Variants in TBC1D2B observed in about 807,000 individuals in gnomAD.
TBC1D2B encodes the protein TBC1 domain family, member 2B.
TBC1D2B carries 64 observed loss-of-function variants against 100.8 expected under a neutral mutation model. That is an observed-to-expected ratio of 0.64 (90% CI 0.52 to 0.78). The LOEUF (loss-of-function observed/expected upper bound fraction) is 0.78, where lower values mean the gene tolerates loss of function less well. Ranked by LOEUF, TBC1D2B falls within the 30% of genes least tolerant of loss-of-function variation. TBC1D2B has a pLI of 0.00. For synonymous variants in TBC1D2B, 480 were observed against 479.7 expected (o/e 1.00, Z -0.01); for missense variants, 1,052 against 1,218.4 (o/e 0.86, Z 2.03).
Position 78,024,258 on chromosome 15 carries a change from C to G in TBC1D2B, c.1368G>C (p.Lys456Asn). 6.2e-7 allele frequency: 1 copy of G among 1,614,026 alleles called. No homozygotes were observed. The highest frequency in any genetic ancestry group is 1.1e-5 in the South Asian group (1 of 91,092). Residue 456 changes from lysine to asparagine, a missense_variant, in exon 6 of 13, where the codon AAG becomes AAC. By Grantham distance (94) the Lys-to-Asn change is moderately conservative. Coordinates refer to ENST00000300584, the MANE Select transcript of TBC1D2B (RefSeq NM_144572.2). ...TIQAKDEVII[K>N]LSEGEGNGPP... is the part of the protein sequence containing the mutation. Reference sequence around the variant, plus strand: ...GCCCGTTGCCCTCGCCCTCGCTGAGCTTGATGATGACCTCGTCCTTGGCTT... The same window carrying G: ...GCCCGTTGCCCTCGCCCTCGCTGAGGTTGATGATGACCTCGTCCTTGGCTT...
intron 9 of TBC1D2B, among the ~76,000 whole-genome samples, chr15:78,011,528 T>C (rs564828359): frequency 6.7e-6 from 1 of 149,444 alleles, no homozygotes; most frequent in South Asian, 2.1e-4. Context: ...TGGAGTGTAG[T>C]GGTGTGATCA....
intron 8 of TBC1D2B, among the ~76,000 whole-genome samples, chr15:78,013,645 C>T (rs969006787): frequency 2.6e-5 from 4 of 152,020 alleles, no homozygotes; most frequent in Non-Finnish European, 5.9e-5. Context: ...AATTTGGCTA[C>T]ATTAATATAT....
chr15:78,074,021 T>C (rs1205254866), intron 1 of TBC1D2B, among the ~76,000 whole-genome samples: 2 of 150,666 alleles, frequency 1.3e-5, no homozygotes, highest in Non-Finnish European at 3.0e-5. Context: ...TGCTTGTTTG[T>C]TTGTTTGTTT....
chr15:78,007,096 C>T (rs1202092070), intron 10 of TBC1D2B, among the ~76,000 whole-genome samples: 2 of 152,200 alleles, frequency 1.3e-5, no homozygotes, highest in African/African-American at 2.4e-5. Flanking sequence ...AGGAGCTTCC[C>T]AGGGAGATGA....
chr15:78,051,547 A>G (rs967235875), intron 2 of TBC1D2B, among the ~76,000 whole-genome samples: 1 of 152,208 alleles, frequency 6.6e-6, no homozygotes, highest in Non-Finnish European at 1.5e-5. Flanking sequence ...TTAATCCCCT[A>G]TATCTTTCTC....
In TBC1D2B at chr15:78,019,888, C is replaced by CA. The variant is rs75813219; in HGVS notation, c.1471-1932dup. Among the ~76,000 whole-genome samples, 1,059 of 117,562 alleles carry CA rather than the reference C, an allele frequency of 9.0e-3. 5 individuals are homozygous for CA. The highest frequency in any genetic ancestry group is 0.01 in the African/African-American group (325 of 31,966). The allele number at this position is 117,562 out of a possible 152,430, so 77.1% of individuals were successfully genotyped here. ...TGGGTGAAATAGTGAGACTCTGTAT[C>CA]AAAAAAAAAAAAAGGGGGGGGGAGA... is the stretch of plus-strand genomic sequence containing the variant. On this transcript the variant is annotated intron_variant, in intron 6 of 12. Coordinates refer to ENST00000300584, the MANE Select transcript of TBC1D2B (RefSeq NM_144572.2).
At chr15:78,034,677 G>T in intron 3 of TBC1D2B, 1 of 985,434 alleles carries the variant, frequency 1.0e-6, no homozygotes, top group Non-Finnish European at 1.2e-6. Context: ...GTCGTACGCT[G>T]CCGTGCTCTC....
chr15:78,014,927 T>C (rs370911766), intron 8 of TBC1D2B, among the ~76,000 whole-genome samples: 1 of 152,122 alleles, frequency 6.6e-6, no homozygotes. Flanking sequence ...AAAGGCTGGG[T>C]GCGGTGGCTG....
chr15:78,077,534 T>G lies in TBC1D2B; in HGVS notation c.119A>C (p.Tyr40Ser), dbSNP rs2073850726. The change falls in exon 1 of 13, where the codon TAT becomes TCT. Residue 40 changes from tyrosine (Y) to serine (S), a missense_variant. Tyr to Ser is a moderately radical substitution (Grantham distance 144). Around this residue, in one of 4 missense-constraint regions of TBC1D2B, gnomAD observed 627 missense variants for 646.1 expected, o/e 0.97. Transcript: ENST00000300584. ...PAREPARLCG[Y>S]LQKLSGKGPL... ...GCCCTTGCCCGACAGCTTCTGCAGA[T>G]AGCCACACAGCCGCGCTGGCTCCCG... is the stretch of plus-strand genomic sequence containing the variant. 1.3e-6 allele frequency: 2 copies of G among 1,510,296 alleles called. No individual in the cohort carries two copies. Among genetic ancestry groups the G allele is most frequent in the Admixed American group, 2.1e-5 (1 of 46,990 alleles). The allele number at this position is 1,510,296 out of a possible 1,614,324, so 93.6% of individuals were successfully genotyped here.
chr15:78,063,172 G>A (rs775341764), intron 1 of TBC1D2B, among the ~76,000 whole-genome samples: 5 of 151,436 alleles, frequency 3.3e-5, no homozygotes, highest in African/African-American at 4.9e-5. Context: ...CAAAGTACTC[G>A]TGTATCAACT....
chr15:78,007,882 CCCCTTCAGTCCCTCCTGTCA>C (rs1159374991), intron 10 of TBC1D2B, among the ~76,000 whole-genome samples: 1 of 152,210 alleles, frequency 6.6e-6, no homozygotes, highest in Non-Finnish European at 1.5e-5. Context: ...AGAGGGAAAA[CCCCTTCAGTCCCTCCTGTCA>C]CCCTTCAGTC....
chr15:78,008,695 G>A (rs2072138015), intron 10 of TBC1D2B, among the ~76,000 whole-genome samples: 1 of 152,212 alleles, frequency 6.6e-6, no homozygotes, highest in Non-Finnish European at 1.5e-5. Context: ...TTATGACTCA[G>A]CCCACTGGTA....
rs554712650 is a variant in TBC1D2B, at chr15:78,046,370, A to G, written c.515-1302T>C. Among the ~76,000 whole-genome samples the G allele has an allele frequency of 3.1e-5, 4 of 130,336 alleles. No individual in the cohort carries two copies. In the South Asian group the frequency reaches 7.5e-4, roughly 24 times the overall value. The allele number at this position is 130,336 out of a possible 152,430, so 85.5% of individuals were successfully genotyped here. A position where few individuals can be genotyped will look rare whatever the true frequency, so the allele number is the denominator to read the frequency against. ...AGGACATGCTTATAAACAGAATTCA[A>G]TATTACTTTACAATAATCAATTTGA... On this transcript the variant is annotated intron_variant, in intron 2 of 12. Coordinates refer to ENST00000300584, the MANE Select transcript of TBC1D2B (RefSeq NM_144572.2).
At position 77,997,643 on chromosome 15, in the gene TBC1D2B, G is replaced by A. The variant is rs1404932431; in HGVS notation, c.*517C>T. ...CCTACAGTGGCCATTTCTGAACAAG[G>A]GATGTGCCTGCTTTTCTAAGGCAGC... On this transcript the variant is annotated 3_prime_UTR_variant, in exon 13 of 13. Transcript: ENST00000300584. 3 of 152,374 alleles carry A rather than the reference G, an allele frequency of 2.0e-5. No individual in the cohort carries two copies. Among genetic ancestry groups the A allele is most frequent in the Admixed American group, 2.0e-4 (3 of 15,288 alleles). The allele number at this position is 152,374 out of a possible 1,614,324, so 9.4% of individuals were successfully genotyped here.
chr15:78,062,541 G>A (rs2073569050), intron 1 of TBC1D2B, among the ~76,000 whole-genome samples: 1 of 152,084 alleles, frequency 6.6e-6, no homozygotes, highest in African/African-American at 2.4e-5. Flanking sequence ...GAAAACACAG[G>A]AAAGCAAAGA....
rs762134429 is a variant in TBC1D2B at position 78,030,037 on chromosome 15, T to C, written c.817A>G (p.Lys273Glu). Residue 273 changes from lysine (K) to glutamate (E), a missense_variant, in exon 4 of 13, where the codon AAG (lysine) becomes GAG (glutamate). Around this residue, in one of 4 missense-constraint regions of TBC1D2B, gnomAD observed 627 missense variants for 646.1 expected, o/e 0.97. Coordinates refer to ENST00000300584, the MANE Select transcript of TBC1D2B (RefSeq NM_144572.2). The stretch of plus-strand genomic sequence containing the variant: ...TTTCCTTCAGGGGTCAGCTTCTTCT[T>C]TTCTTCCTGTACTATGGACTCCTCT... ...DLEESIVQEE[K>E]KKLTPEGNKG... The C allele has an allele frequency of 3.7e-6, 6 of 1,608,544 alleles. No homozygotes were observed. Among genetic ancestry groups the C allele is most frequent in the South Asian group, 3.4e-5 (3 of 89,526 alleles).
chr15:78,027,704 C>T (rs1240064876), intron 4 of TBC1D2B, among the ~76,000 whole-genome samples: 1 of 152,262 alleles, frequency 6.6e-6, no homozygotes, highest in Non-Finnish European at 1.5e-5. Flanking sequence ...CCTCCCCAGT[C>T]CTGCTCACAT....
rs145976970 is a variant in TBC1D2B, at chr15:78,010,061, A to G, written c.2271-947T>C. ...TTCCAAATAACCCTTTTATGCACAAAAATTCCAGATGTGAATGTAAGTAAC... is the reference window on the plus strand; with the variant it reads ...TTCCAAATAACCCTTTTATGCACAAGAATTCCAGATGTGAATGTAAGTAAC... On this transcript the variant is annotated intron_variant, in intron 9 of 12. Transcript: ENST00000300584. Among the ~76,000 whole-genome samples the G allele has an allele frequency of 2.0e-5, 3 of 152,328 alleles. No homozygotes were observed. In the East Asian group the frequency reaches 5.8e-4, roughly 29 times the overall value.
intron 1 of TBC1D2B, among the ~76,000 whole-genome samples, chr15:78,071,098 A>G (rs563961592): frequency 1.3e-5 from 2 of 152,326 alleles, no homozygotes; most frequent in East Asian, 3.9e-4. Context: ...CTGGGATTAC[A>G]GGCGTGAGCC....
Sources: gnomAD v4.1 joint callset for allele counts (sites outside exome capture counted in the v4.1 genomes callset) on GRCh38, gnomAD v4.1.1 for gene constraint, gnomAD v4.1.1 regional missense constraint, MANE v1.5 for transcripts, NCBI Gene and HGNC (gene_info 2026-07-23, HGNC 2026-07-21) for gene names.